Variants in DNAI1 observed in about 807,000 individuals in gnomAD.
The protein encoded by DNAI1 is dynein, axonemal, intermediate polypeptide 1.
Under a neutral mutation model 92.0 loss-of-function variants are expected in DNAI1, and 67 were observed. That is an observed-to-expected ratio of 0.73 (90% CI 0.60 to 0.89). DNAI1 has a LOEUF of 0.89. Among genes scored for constraint, DNAI1 ranks in the 40% least tolerant of loss-of-function variants. The pLI is 0.00. For synonymous variants in DNAI1, 323 were observed against 319.6 expected, an observed-to-expected ratio of 1.01 and a Z score of -0.11; for missense variants, 839 against 866.6, an observed-to-expected ratio of 0.97 and a Z score of 0.40.
chr9:34,501,005 C>G, intron 11 of DNAI1, 133 bp from the exon 12 acceptor site: 1 of 986,806 alleles, frequency 1.0e-6, no homozygotes, highest in Non-Finnish European at 1.6e-6. Context: ...CCAGGACTCC[C>G]AAGTGGTGAG....
At chr9:34,498,223 C>A (rs915202805) in intron 10 of DNAI1, among the ~76,000 whole-genome samples, 1 of 152,194 alleles carries the variant, frequency 6.6e-6, no homozygotes, top group African/African-American at 2.4e-5. Flanking sequence ...CTGGGAGTAG[C>A]CTGTGTGTCA....
chr9:34,470,491 G>A (rs759596838), intron 1 of DNAI1, among the ~76,000 whole-genome samples: 68 of 152,178 alleles, frequency 4.5e-4, no homozygotes, highest in Non-Finnish European at 9.4e-4. Flanking sequence ...CTTCAAGACA[G>A]GAAGTATTCC....
At position 34,501,125 on chromosome 9, in the gene DNAI1, T is replaced by C. The variant is rs1327064370; in HGVS notation, c.1020-13T>C. 2 of 1,482,406 alleles carry C rather than the reference T, an allele frequency of 1.3e-6. No individual in the cohort carries two copies. The highest frequency in any genetic ancestry group is 1.9e-6 in the Non-Finnish European group (2 of 1,065,576). 91.8% of individuals were successfully genotyped at this position (1,482,406 alleles called of 1,614,324 possible). Reference sequence around the variant, plus strand: ...CATTTCCTATGCCAATGGATTCATATTTTTTTTTGCAGGAATCCAAAGTAC... The same window carrying C: ...CATTTCCTATGCCAATGGATTCATACTTTTTTTTGCAGGAATCCAAAGTAC... On this transcript the variant is annotated splice_polypyrimidine_tract_variant and intron_variant, in intron 11 of 19. Transcript: ENST00000242317.
chr9:34,505,991 G>T (rs1485121605), intron 12 of DNAI1, among the ~76,000 whole-genome samples: 1 of 152,150 alleles, frequency 6.6e-6, no homozygotes, highest in Non-Finnish European at 1.5e-5. Context: ...GTGGGGAGAA[G>T]GGCCTCTGCT....
Position 34,485,211 on chromosome 9 carries a change from C to A in DNAI1, c.151C>A (p.Pro51Thr). Residue 51 changes from proline (P) to threonine (T), a missense_variant, in exon 3 of 20, where the codon CCC becomes ACC. Coordinates refer to ENST00000242317, the MANE Select transcript of DNAI1 (RefSeq NM_012144.4). Reference protein sequence around the residue: ...EWAQSKATVRPPDQLELTDAE... With the variant: ...EWAQSKATVRTPDQLELTDAE... ...GGCCCAATCCAAAGCCACAGTTAGACCCCCTGACCAGCTGGAGTTGACCGA... is the reference window on the plus strand; with the variant it reads ...GGCCCAATCCAAAGCCACAGTTAGAACCCCTGACCAGCTGGAGTTGACCGA... The A allele has an allele frequency of 3.1e-6, 5 of 1,614,144 alleles. No homozygotes were observed. The highest frequency in any genetic ancestry group is 4.2e-6 in the Non-Finnish European group (5 of 1,180,030).
intron 4 of DNAI1, 47 bp from the exon 5 acceptor site, chr9:34,489,276 C>T (rs777013235): frequency 1.2e-6 from 2 of 1,610,668 alleles, no homozygotes; most frequent in African/African-American, 2.7e-5. Context: ...ATTTTGACTC[C>T]AGCTCTTTTA....
intron 7 of DNAI1, among the ~76,000 whole-genome samples, chr9:34,491,191 G>C (rs1824583463): frequency 6.6e-6 from 1 of 152,184 alleles, no homozygotes; most frequent in Non-Finnish European, 1.5e-5. Flanking sequence ...CTATGCCCTG[G>C]CCTGGCATCC....
chr9:34,477,872 T>G (rs1015987511), intron 1 of DNAI1, among the ~76,000 whole-genome samples: 1 of 150,604 alleles, frequency 6.6e-6, no homozygotes, highest in African/African-American at 2.4e-5. Flanking sequence ...AAGTCTAAGC[T>G]GCAGAAATAG....
intron 1 of DNAI1, among the ~76,000 whole-genome samples, chr9:34,481,970 C>T (rs1397168049): frequency 6.6e-6 from 1 of 152,250 alleles, no homozygotes; most frequent in Non-Finnish European, 1.5e-5. Flanking sequence ...CACCCACATC[C>T]TGCTGATTGG....
chr9:34,489,160 A>T, intron 4 of DNAI1, 163 bp from the exon 5 acceptor site: 1 of 758,042 alleles, frequency 1.3e-6, no homozygotes, highest in Non-Finnish European at 2.2e-6. Flanking sequence ...TTTCTTCTTT[A>T]AACTGAAATG....
chr9:34,497,334 A>T, intron 10 of DNAI1, 135 bp downstream of exon 10: 1 of 725,788 alleles, frequency 1.4e-6, no homozygotes, highest in Non-Finnish European at 2.5e-6. Flanking sequence ...TGTCCTCTGG[A>T]TGTCACTGGG....
At chr9:34,459,750 AG>A (rs1823909852) in intron 1 of DNAI1, among the ~76,000 whole-genome samples, 1 of 152,210 alleles carries the variant, frequency 6.6e-6, no homozygotes, top group East Asian at 1.9e-4. Flanking sequence ...CCAGCCTCAA[AG>A]GCATTCTTTA....
intron 13 of DNAI1, among the ~76,000 whole-genome samples, chr9:34,508,024 A>G (rs549829625): frequency 1.2e-4 from 19 of 152,306 alleles, no homozygotes; most frequent in East Asian, 7.7e-4. Context: ...TTGTGTCCCA[A>G]AGGTCCCCTT....
Position 34,514,657 on chromosome 9 carries a change from A to G in DNAI1, c.1736A>G (p.Tyr579Cys), listed in dbSNP as rs760852851. 5 of 1,614,046 alleles carry G rather than the reference A, an allele frequency of 3.1e-6. No individual in the cohort carries two copies. Among genetic ancestry groups the G allele is most frequent in the South Asian group, 1.1e-5 (1 of 91,092 alleles). Reference protein sequence around the residue: ...DHTIKTPMFIYDLNSAVGDVA... With the variant: ...DHTIKTPMFICDLNSAVGDVA... ...CTCTGCAGGACCCCGATGTTCATCT[A>G]TGACCTGAACTCAGCCGTGGGTGAT... The change falls in exon 18 of 20, where the codon TAT becomes TGT. Residue 579 changes from tyrosine to cysteine, a missense_variant. Physicochemically the swap from Tyr to Cys is radical, Grantham distance 194. Coordinates refer to ENST00000242317, the MANE Select transcript of DNAI1 (RefSeq NM_012144.4).
In DNAI1 at chr9:34,506,743, G is replaced by T. The variant is rs372958889; in HGVS notation, c.1180G>T (p.Asp394Tyr). Residue 394 changes from aspartate (D) to tyrosine (Y), a missense_variant, in exon 13 of 20, where the codon GAC becomes TAC. Asp to Tyr is a radical substitution (Grantham distance 160, BLOSUM62 -3). Transcript: ENST00000242317. ...CGTCATGTGTCTCGACATCCACGTGGACCACCCCTACCTGGTGGCAGTAGG... is the reference window on the plus strand; with the variant it reads ...CGTCATGTGTCTCGACATCCACGTGTACCACCCCTACCTGGTGGCAGTAGG... The part of the protein sequence containing the change: ...SGVMCLDIHV[D>Y]HPYLVAVGHY... 1.2e-6 allele frequency: 2 copies of T among 1,614,140 alleles called. No homozygotes were observed. Among genetic ancestry groups the T allele is most frequent in the Non-Finnish European group, 1.7e-6 (2 of 1,180,042 alleles).
chr9:34,492,493 G>GATATAGATATATATATATATATAT, intron 8 of DNAI1, among the ~76,000 whole-genome samples: 1 of 68,268 alleles, frequency 1.5e-5, no homozygotes, highest in Non-Finnish European at 3.1e-5. Context: ...GGGATATGAA[G>GATATAGATATATATATATATATAT]ATATATATAT....
At chr9:34,498,765 C>A (rs76138274) in intron 10 of DNAI1, among the ~76,000 whole-genome samples, 1 of 152,322 alleles carries the variant, frequency 6.6e-6, no homozygotes, top group East Asian at 1.9e-4. Context: ...TTCTTGGTGA[C>A]TTGATGCTCA....
chr9:34,499,132 GAA>G (rs1214449584), intron 10 of DNAI1, among the ~76,000 whole-genome samples: 2 of 152,172 alleles, frequency 1.3e-5, no homozygotes, highest in Non-Finnish European at 2.9e-5. Context: ...TGAAAATAGA[GAA>G]GTGTTACCAA....
At chr9:34,473,719 G>C (rs1009463104) in intron 1 of DNAI1, among the ~76,000 whole-genome samples, 2 of 151,860 alleles carry the variant, frequency 1.3e-5, no homozygotes, top group African/African-American at 4.8e-5. Flanking sequence ...TTGGTGCGTG[G>C]GTGGGTTAGT....
Sources: gnomAD v4.1 joint callset for allele counts (sites outside exome capture counted in the v4.1 genomes callset) on GRCh38, gnomAD v4.1.1 for gene constraint, MANE v1.5 for transcripts, NCBI Gene and HGNC (gene_info 2026-07-23, HGNC 2026-07-21) for gene names.